BLM: variants seen among roughly 807,000 people sequenced by gnomAD.
The protein encoded by BLM is recQ-like DNA helicase BLM.
In BLM, 95 loss-of-function variants were observed where a neutral mutation model predicts 135.3. The ratio of observed to expected loss-of-function variants is 0.70; its 90% CI spans 0.59 to 0.83. The LOEUF is 0.83. BLM is among the 40% of genes least tolerant of loss of function. The pLI, the probability that BLM is intolerant of heterozygous loss-of-function variation, is 0.00. For synonymous variants in BLM, 520 were observed against 589.2 expected (o/e 0.88, Z 1.70); for missense variants, 1,518 against 1,663.9 (o/e 0.91, Z 1.53).
In BLM at chr15:90,806,983, C is replaced by A. The variant is rs189286938; in HGVS notation, c.3752-2154C>A. Among the ~76,000 whole-genome samples the A allele has an allele frequency of 1.3e-4, 20 of 152,346 alleles. No individual in the cohort carries two copies. The East Asian group carries it at 3.9e-3, about 29-fold the overall frequency. On this transcript the variant is annotated intron_variant, in intron 19 of 21. Coordinates refer to ENST00000355112, the MANE Select transcript of BLM (RefSeq NM_000057.4). Reference sequence around the variant, plus strand: ...ATTTTTATTATCCACAGCTGTGTGCCTGTATGAAAAATACATATAATCAAA... The same window carrying A: ...ATTTTTATTATCCACAGCTGTGTGCATGTATGAAAAATACATATAATCAAA...
At position 90,790,838 on chromosome 15, in the gene BLM, A is replaced by G. The variant is rs201829983; in HGVS notation, c.3013A>G (p.Ile1005Val). The G allele has an allele frequency of 6.3e-5, 102 of 1,613,494 alleles. No individual in the cohort carries two copies. In the South Asian group the frequency reaches 1.1e-3, roughly 17 times the overall value. Reference sequence around the variant, plus strand: ...TGATGTGACCAGACTGAAAAGACTTATAATGAGTAAGCTGGGCTCCATTGT... The same window carrying G: ...TGATGTGACCAGACTGAAAAGACTTGTAATGAGTAAGCTGGGCTCCATTGT... ...YHDVTRLKRL[I>V]MMEKDGNHHT... Residue 1005 changes from isoleucine (I) to valine (V), a missense_variant, in exon 15 of 22, where the codon ATA (isoleucine) becomes GTA (valine). Coordinates refer to ENST00000355112, the MANE Select transcript of BLM (RefSeq NM_000057.4).
intron 1 of BLM, among the ~76,000 whole-genome samples, chr15:90,721,378 G>C (rs1188979369): frequency 6.6e-6 from 1 of 152,046 alleles, no homozygotes; most frequent in African/African-American, 2.4e-5. Context: ...TGAGGCTGAA[G>C]TGCAGTGGCG....
chr15:90,808,675 G>T, intron 19 of BLM: 1 of 210,898 alleles, frequency 4.7e-6, no homozygotes, highest in East Asian at 1.2e-4. Context: ...GTTTGTGCTG[G>T]AGGAAGTAAC....
chr15:90,804,646 G>A (rs531519013), intron 19 of BLM, among the ~76,000 whole-genome samples: 13 of 151,928 alleles, frequency 8.6e-5, no homozygotes, highest in South Asian at 6.2e-4. Context: ...GTATTTTTTC[G>A]TAGAGACAGA....
intron 5 of BLM, among the ~76,000 whole-genome samples, chr15:90,758,210 T>G: frequency 6.7e-6 from 1 of 149,202 alleles, no homozygotes; most frequent in Non-Finnish European, 1.5e-5. Flanking sequence ...AGGAAAGGGC[T>G]GGCACGGTGG....
intron 1 of BLM, among the ~76,000 whole-genome samples, chr15:90,726,212 T>G (rs1894911113): frequency 6.6e-6 from 1 of 152,218 alleles, no homozygotes; most frequent in African/African-American, 2.4e-5. Context: ...GTAGTCATCC[T>G]GTAGTGCTAC....
intron 21 of BLM, among the ~76,000 whole-genome samples, chr15:90,812,117 C>T (rs746094597): frequency 4.1e-4 from 62 of 152,168 alleles, no homozygotes; most frequent in Non-Finnish European, 7.6e-4. Context: ...TTTGTGTCCT[C>T]GTGGCTTTTA....
In BLM at chr15:90,754,854, C is replaced by G. The variant is rs1265514490; in HGVS notation, c.1003C>G (p.Leu335Val). ...CACCTCTGACAGAAAAGAGGATGTT[C>G]TTAGCACATCAAAAGATCTTTTGTC... ...LDTSDRKEDVLSTSKDLLSKP... is the reference protein window; with the variant it reads ...LDTSDRKEDVVSTSKDLLSKP... The change falls in exon 5 of 22, where the codon CTT (leucine) becomes GTT (valine). Residue 335 changes from leucine to valine, a missense_variant. Around this residue, in one of 5 missense-constraint regions of BLM, gnomAD observed 724 missense variants for 756.9 expected, o/e 0.96. Transcript: ENST00000355112. 1 of 1,613,846 alleles carries G rather than the reference C, an allele frequency of 6.2e-7. No individual in the cohort carries two copies. Among genetic ancestry groups the G allele is most frequent in the Non-Finnish European group, 8.5e-7 (1 of 1,179,902 alleles).
intron 1 of BLM, 107 bp from the exon 2 acceptor site, chr15:90,747,282 C>G (rs1303699400): frequency 3.1e-6 from 2 of 655,608 alleles, no homozygotes; most frequent in East Asian, 3.7e-5. Context: ...ACTCTGGGCA[C>G]AGTTGGAACA....
At chr15:90,805,006 G>T (rs756351624) in intron 19 of BLM, among the ~76,000 whole-genome samples, 75 of 151,960 alleles carry the variant, frequency 4.9e-4, no homozygotes, top group Non-Finnish European at 1.0e-3. Flanking sequence ...CCGGCTAATT[G>T]TGTATTTTTA....
intron 13 of BLM, 137 bp from the exon 14 acceptor site, chr15:90,784,784 G>A (rs781752087): frequency 1.1e-5 from 10 of 878,348 alleles, no homozygotes; most frequent in Admixed American, 9.4e-5. Context: ...AATTATTCAC[G>A]TGTGTGGTCT....
In BLM at chr15:90,792,094, C is replaced by CTT. The variant is rs796474506; in HGVS notation, c.3019+1263_3019+1264dup. Reference sequence around the variant, plus strand: ...TTCTTCTGAGACCACTTTTTTTTTTCTTTTTTTTTTTTTTGAGACGGAGTC... The same window carrying CTT: ...TTCTTCTGAGACCACTTTTTTTTTTCTTTTTTTTTTTTTTTTGAGACGGAGTC... On this transcript the variant is annotated intron_variant, in intron 15 of 21. Transcript: ENST00000355112. Among the ~76,000 whole-genome samples, 1,078 of 134,496 alleles carry CTT rather than the reference C, an allele frequency of 8.0e-3. 32 individuals are homozygous for CTT. The highest frequency in any genetic ancestry group is 0.026 in the African/African-American group (936 of 36,670). The allele number at this position is 134,496 out of a possible 152,430, so 88.2% of individuals were successfully genotyped here. A position where few individuals can be genotyped will look rare whatever the true frequency, so the allele number is the denominator to read the frequency against.
chr15:90,786,594 GT>G, intron 14 of BLM, among the ~76,000 whole-genome samples: 1 of 151,488 alleles, frequency 6.6e-6, no homozygotes, highest in South Asian at 2.1e-4. Context: ...CTCTTTGTGG[GT>G]TTTTTTTTAT....
chr15:90,734,944 G>A (rs1255040359), intron 1 of BLM, among the ~76,000 whole-genome samples: 1 of 152,006 alleles, frequency 6.6e-6, no homozygotes, highest in Non-Finnish European at 1.5e-5. Flanking sequence ...ATATGGTAGT[G>A]TGTCTGGAAT....
chr15:90,754,943 A>C lies in BLM; in HGVS notation c.1087+5A>C. 1 of 1,613,742 alleles carries C rather than the reference A, an allele frequency of 6.2e-7. No homozygotes were observed. Among genetic ancestry groups the C allele is most frequent in the Non-Finnish European group, 8.5e-7 (1 of 1,179,924 alleles). ...AAACCAGCACAGACTGTGACGGTAC[A>C]AGCAATATTTTAGACATACCATGTA... On this transcript the variant is annotated splice_donor_5th_base_variant and intron_variant, in intron 5 of 21. Coordinates refer to ENST00000355112, the MANE Select transcript of BLM (RefSeq NM_000057.4).
At chr15:90,814,950 ACTTAC>A in intron 21 of BLM, 147 bp from the exon 22 acceptor site, 2 of 713,944 alleles carry the variant, frequency 2.8e-6, no homozygotes, top group Admixed American at 5.3e-5. Flanking sequence ...AGTAAAGGAA[ACTTAC>A]CTTACCTAGG....
At chr15:90,767,952 C>CTTTTTTTTTTT (rs796611948) in intron 10 of BLM, among the ~76,000 whole-genome samples, 2 of 138,374 alleles carry the variant, frequency 1.4e-5, no homozygotes, top group Non-Finnish European at 1.6e-5. Context: ...CTTTTTTTTT[C>CTTTTTTTTTTT]TTTTTTTTTT....
At chr15:90,729,010 T>C (rs1020881003) in intron 1 of BLM, among the ~76,000 whole-genome samples, 2 of 151,722 alleles carry the variant, frequency 1.3e-5, no homozygotes, top group Non-Finnish European at 2.9e-5. Context: ...TGAGTCCCTG[T>C]CTCTGTTTAA....
intron 19 of BLM, 124 bp from the exon 20 acceptor site, chr15:90,809,013 T>TGTTCCCAGTACCCTGC: frequency 7.1e-7 from 1 of 1,403,190 alleles, no homozygotes; most frequent in Non-Finnish European, 1.0e-6. Context: ...AATTGGCCTG[T>TGTTCCCAGTACCCTGC]GTTCCCAGTA....
Sources: gnomAD v4.1 joint callset for allele counts (sites outside exome capture counted in the v4.1 genomes callset) on GRCh38, gnomAD v4.1.1 for gene constraint, gnomAD v4.1.1 regional missense constraint, MANE v1.5 for transcripts, NCBI Gene and HGNC (gene_info 2026-07-23, HGNC 2026-07-21) for gene names.